Variants in ATP10A observed in about 807,000 individuals in gnomAD.
ATP10A encodes the protein ATPase phospholipid transporting 10A (putative), also known as phospholipid-transporting ATPase VA.
ATP10A carries 111 observed loss-of-function variants against 147.8 expected under a neutral mutation model. The observed-to-expected ratio is 0.75, with a 90% CI of 0.64 to 0.88. The LOEUF is 0.88. ATP10A is among the 40% of genes least tolerant of loss of function. The probability of loss-of-function intolerance (pLI) is 0.00; values close to 1 mark genes in which losing one functional copy is unlikely to be tolerated. For synonymous variants in ATP10A, 875 were observed against 841.6 expected (o/e 1.04, Z -0.69); for missense variants, 1,927 against 1,959.0 (o/e 0.98, Z 0.31).
chr15:25,756,400 T>A (rs1207677472), intron 2 of ATP10A, among the ~76,000 whole-genome samples: 1 of 152,106 alleles, frequency 6.6e-6, no homozygotes, highest in Non-Finnish European at 1.5e-5. Flanking sequence ...TCCCAGCACT[T>A]TGGGAGGCCG....
At position 25,862,464 on chromosome 15, in the gene ATP10A, C is replaced by G. The variant is rs1028149905; in HGVS notation, c.449+184G>C. ...CGCCCCTTTAGCTGCGGCGGAGGCA[C>G]AGAGAGGCCTTGGCGGCGCTGTGGC... On this transcript the variant is annotated intron_variant, in intron 1 of 20. Coordinates refer to ENST00000555815, the MANE Select transcript of ATP10A (RefSeq NM_024490.4). 8.0e-6 allele frequency: 6 copies of G among 746,300 alleles called. No individual in the cohort carries two copies. The African/African-American group carries it at 1.1e-4, about 13-fold the overall frequency. The allele number at this position is 746,300 out of a possible 1,614,324, so 46.2% of individuals were successfully genotyped here. A position where few individuals can be genotyped will look rare whatever the true frequency, so the allele number is the denominator to read the frequency against.
At chr15:25,827,854 C>G (rs75113450) in intron 1 of ATP10A, among the ~76,000 whole-genome samples, 1 of 151,964 alleles carries the variant, frequency 6.6e-6, no homozygotes, top group Non-Finnish European at 1.5e-5. Flanking sequence ...GCAGAACTGA[C>G]AGAATAGATT....
At chr15:25,772,828 T>C (rs1889408098) in intron 2 of ATP10A, among the ~76,000 whole-genome samples, 1 of 152,084 alleles carries the variant, frequency 6.6e-6, no homozygotes, top group Non-Finnish European at 1.5e-5. Flanking sequence ...TTTTACAGTT[T>C]TGGGAGGCGG....
At chr15:25,840,439 C>T (rs148341963) in intron 1 of ATP10A, among the ~76,000 whole-genome samples, 103 of 152,178 alleles carry the variant, frequency 6.8e-4, no homozygotes, top group South Asian at 1.5e-3. Flanking sequence ...TTCCATTCAC[C>T]AAAATCTCCC....
At chr15:25,782,212 A>G (rs908797158) in intron 1 of ATP10A, among the ~76,000 whole-genome samples, 7 of 152,226 alleles carry the variant, frequency 4.6e-5, no homozygotes, top group African/African-American at 1.4e-4. Context: ...CCAGTGGGGG[A>G]AAATTCAGAG....
intron 1 of ATP10A, among the ~76,000 whole-genome samples, chr15:25,824,838 C>T (rs1294548365): frequency 6.6e-6 from 1 of 152,146 alleles, no homozygotes; most frequent in Non-Finnish European, 1.5e-5. Context: ...TTCCTACTCT[C>T]CTCACTGCAG....
chr15:25,747,349 G>T (rs1219267960), intron 2 of ATP10A, among the ~76,000 whole-genome samples: 1 of 151,094 alleles, frequency 6.6e-6, no homozygotes, highest in Non-Finnish European at 1.5e-5. Flanking sequence ...AAGATTGTGG[G>T]ATATTGCTTG....
upstream of ATP10A, among the ~76,000 whole-genome samples, chr15:25,864,698 G>T (rs572045772): frequency 6.6e-6 from 1 of 152,232 alleles, no homozygotes; most frequent in Non-Finnish European, 1.5e-5. Flanking sequence ...TTTGGCTGAA[G>T]TCTGCATTGT....
chr15:25,841,523 A>G (rs997331228), intron 1 of ATP10A: 2 of 151,790 alleles, frequency 1.3e-5, no homozygotes, highest in Non-Finnish European at 2.9e-5. Flanking sequence ...TCTTTTTGAG[A>G]AATCTTGTGG....
chr15:25,788,387 C>G (rs916826640), intron 1 of ATP10A, among the ~76,000 whole-genome samples: 2 of 152,216 alleles, frequency 1.3e-5, no homozygotes, highest in African/African-American at 2.4e-5. Context: ...GAACGGGGGT[C>G]TGTAGGATCG....
At chr15:25,729,534 C>T (rs1902817744) in intron 3 of ATP10A, among the ~76,000 whole-genome samples, 1 of 152,166 alleles carries the variant, frequency 6.6e-6, no homozygotes, top group Non-Finnish European at 1.5e-5. Flanking sequence ...GGCACCGGAG[C>T]AATCTTCGAG....
chr15:25,729,301 A>G (rs1902801371), intron 3 of ATP10A, among the ~76,000 whole-genome samples: 1 of 152,178 alleles, frequency 6.6e-6, no homozygotes, highest in South Asian at 2.1e-4. Context: ...AGCCTGATCA[A>G]TATGGTGAAA....
intron 17 of ATP10A, among the ~76,000 whole-genome samples, chr15:25,682,476 T>C (rs1029948306): frequency 6.6e-6 from 1 of 152,188 alleles, no homozygotes; most frequent in South Asian, 2.1e-4. Flanking sequence ...GGGAAAGTGC[T>C]GGCTAGGCTC....
chr15:25,805,217 C>T (rs1891126879), intron 1 of ATP10A, among the ~76,000 whole-genome samples: 1 of 152,184 alleles, frequency 6.6e-6, no homozygotes, highest in African/African-American at 2.4e-5. Context: ...TGGCTGGATC[C>T]GGGTGACTCA....
intron 16 of ATP10A, 159 bp from the exon 17 acceptor site, chr15:25,683,645 C>T (rs1052275553): frequency 1.5e-6 from 1 of 675,538 alleles, no homozygotes; most frequent in Non-Finnish European, 2.5e-6. Flanking sequence ...AGCCCTGCTG[C>T]TGGCCTCTGC....
intron 2 of ATP10A, among the ~76,000 whole-genome samples, chr15:25,750,467 C>G (rs1204153804): frequency 5.9e-5 from 9 of 151,348 alleles, no homozygotes; most frequent in Admixed American, 6.6e-5. Flanking sequence ...GCCATTCAGG[C>G]AAAAGGAAAT....
rs1324309945 is a variant in ATP10A at position 25,862,695 on chromosome 15, G to C, written c.402C>G (p.His134Gln). Residue 134 changes from histidine (H) to glutamine (Q), a missense_variant, in exon 1 of 21, where the codon CAC (histidine) becomes CAG (glutamine). By Grantham distance (24) the His-to-Gln change is conservative. Coordinates refer to ENST00000555815, the MANE Select transcript of ATP10A (RefSeq NM_024490.4). Reference protein sequence around the residue: ...FRDLWEDYSRHRSDHKINHLG... With the variant: ...FRDLWEDYSRQRSDHKINHLG... ...GGTGGTTGATCTTGTGGTCGGAGCG[G>C]TGGCGGCTGTAGTCCTCCCACAGGT... 6.2e-7 allele frequency: 1 copy of C among 1,607,450 alleles called. No homozygotes were observed. The highest frequency in any genetic ancestry group is 8.5e-7 in the Non-Finnish European group (1 of 1,175,978).
rs759568778 is a variant in ATP10A at position 25,680,298 on chromosome 15, T to C, written c.3689A>G (p.Asn1230Ser). ...GIETKTWTWL[N>S]WITCGFSVLL... is the part of the protein sequence containing the mutation. ...GACACTGAAGCCACACGTTATCCAG[T>C]TGAGCCAGGTCTGAGGGGGAATGAG... is the stretch of plus-strand genomic sequence containing the variant. Residue 1230 changes from asparagine (N) to serine (S), a missense_variant, in exon 20 of 21, where the codon AAC becomes AGC. Physicochemically the swap from Asn to Ser is conservative, Grantham distance 46. Coordinates refer to ENST00000555815, the MANE Select transcript of ATP10A (RefSeq NM_024490.4). 9 of 1,614,042 alleles carry C rather than the reference T, an allele frequency of 5.6e-6. No individual in the cohort carries two copies. The highest frequency in any genetic ancestry group is 2.7e-5 in the African/African-American group (2 of 74,948).
rs1343328427 is a variant in ATP10A, at chr15:25,796,133, A to G, written c.450-14910T>C. 4.6e-5 allele frequency among the ~76,000 whole-genome samples: 7 copies of G among 152,210 alleles called. No homozygotes were observed. In the East Asian group the frequency reaches 1.3e-3, roughly 29 times the overall value. On this transcript the variant is annotated intron_variant, in intron 1 of 20. Coordinates refer to ENST00000555815, the MANE Select transcript of ATP10A (RefSeq NM_024490.4). ...GCAACACAAAACGAACAGGGACAAC[A>G]TGTGAAAATAGTTTGTTTCAGGGCT... is the stretch of plus-strand genomic sequence containing the variant.
Sources: gnomAD v4.1 joint callset for allele counts (sites outside exome capture counted in the v4.1 genomes callset) on GRCh38, gnomAD v4.1.1 for gene constraint, MANE v1.5 for transcripts, NCBI Gene and HGNC (gene_info 2026-07-23, HGNC 2026-07-21) for gene names.